The following DCDC1 variants were observed in gnomAD, a reference collection of about 807,000 sequenced individuals.
DCDC1 encodes the protein doublecortin domain-containing protein 1.
In DCDC1, 200 loss-of-function variants were observed where a neutral mutation model predicts 178.3. The ratio of observed to expected loss-of-function variants is 1.12; its 90% CI spans 1.00 to 1.26. The LOEUF is 1.26. DCDC1 is among the 50% of genes most tolerant of loss of function. The pLI, the probability that DCDC1 is intolerant of heterozygous loss-of-function variation, is 0.00. For synonymous variants in DCDC1, 690 were observed against 604.8 expected (o/e 1.14, Z -2.07); for missense variants, 1,983 against 1,749.2 (o/e 1.13, Z -2.38).
chr11:30,925,329 C>A lies in DCDC1; in HGVS notation c.2977G>T (p.Asp993Tyr), dbSNP rs755035470. ...TTTACCAGTTCATCTCTTTGCAGGT[C>A]TTTTAAGGCAAATATTTCCTTCCCC... ...EKGKEIFALK[D>Y]LQRDELVYVS... The change falls in exon 23 of 39, where the codon GAC becomes TAC. Residue 993 changes from aspartate to tyrosine, a missense_variant. Physicochemically the swap from Asp to Tyr is radical, Grantham distance 160. Coordinates refer to ENST00000684477, the MANE Select transcript of DCDC1 (RefSeq NM_001387274.1). The A allele has an allele frequency of 3.7e-6, 6 of 1,613,728 alleles. No individual in the cohort carries two copies. Among genetic ancestry groups the A allele is most frequent in the East Asian group, 4.5e-5 (2 of 44,868 alleles).
intron 20 of DCDC1, among the ~76,000 whole-genome samples, chr11:31,024,585 T>C (rs1225344874): frequency 1.3e-5 from 2 of 151,900 alleles, no homozygotes; most frequent in East Asian, 1.9e-4. Flanking sequence ...TAGGAAAATA[T>C]AGAAAAATAT....
At chr11:31,041,638 A>G (rs1344819941) in intron 20 of DCDC1, among the ~76,000 whole-genome samples, 1 of 152,184 alleles carries the variant, frequency 6.6e-6, no homozygotes, top group African/African-American at 2.4e-5. Context: ...CTATACTGGC[A>G]CTTGATTTTC....
chr11:31,184,452 C>G (rs1428970455), intron 9 of DCDC1, among the ~76,000 whole-genome samples: 2 of 152,114 alleles, frequency 1.3e-5, no homozygotes, highest in African/African-American at 4.8e-5. Flanking sequence ...TCTAATTAAA[C>G]TAAAGAGCTT....
At chr11:30,979,708 AAT>A (rs1040641154) in intron 20 of DCDC1, among the ~76,000 whole-genome samples, 1 of 152,216 alleles carries the variant, frequency 6.6e-6, no homozygotes, top group Non-Finnish European at 1.5e-5. Flanking sequence ...CACATGGAAA[AAT>A]AACCCATGTT....
intron 38 of DCDC1, among the ~76,000 whole-genome samples, chr11:30,873,091 GTCTC>G (rs1365774813): frequency 6.7e-6 from 1 of 148,872 alleles, no homozygotes; most frequent in East Asian, 2.0e-4. Flanking sequence ...CTCTCTCTCT[GTCTC>G]TCTCTGTCTC....
intron 21 of DCDC1, among the ~76,000 whole-genome samples, chr11:30,947,710 A>T (rs910876436): frequency 1.3e-5 from 2 of 152,136 alleles, no homozygotes; most frequent in Non-Finnish European, 2.9e-5. Context: ...CAAAAATGAA[A>T]ACATGGGATC....
chr11:31,271,095 T>A (rs985502586), intron 7 of DCDC1, among the ~76,000 whole-genome samples: 5 of 152,162 alleles, frequency 3.3e-5, no homozygotes, highest in African/African-American at 1.2e-4. Context: ...CTACCTAGCC[T>A]TTCCTTCCCT....
intron 21 of DCDC1, among the ~76,000 whole-genome samples, chr11:30,935,274 G>A (rs1947202843): frequency 6.6e-6 from 1 of 152,112 alleles, no homozygotes; most frequent in Non-Finnish European, 1.5e-5. Flanking sequence ...GCTGGGGCAG[G>A]GTAACACCCT....
Position 30,864,126 on chromosome 11 carries a change from C to T in DCDC1, c.*1247G>A, listed in dbSNP as rs1393909761. ...TGGGCAACAGAGTGAGACTCCATCT[C>T]AAAAAAAAAAAATTGCATATCTGTA... On this transcript the variant is annotated 3_prime_UTR_variant, in exon 39 of 39. Transcript: ENST00000684477. 1 of 141,990 alleles carries T rather than the reference C, an allele frequency of 7.0e-6. No homozygotes were observed. Among genetic ancestry groups the T allele is most frequent in the African/African-American group, 2.6e-5 (1 of 38,888 alleles). 8.8% of individuals were successfully genotyped at this position (141,990 alleles called of 1,614,324 possible).
chr11:31,364,630 T>C (rs1951871565), intron 1 of DCDC1, among the ~76,000 whole-genome samples: 1 of 152,180 alleles, frequency 6.6e-6, no homozygotes, highest in Non-Finnish European at 1.5e-5. Context: ...ATTTACCTCT[T>C]CCTCTTTCTC....
intron 9 of DCDC1, among the ~76,000 whole-genome samples, chr11:31,193,905 A>G (rs371065027): frequency 3.9e-5 from 6 of 152,102 alleles, no homozygotes; most frequent in Non-Finnish European, 8.8e-5. Context: ...ACTCATGTCA[A>G]TTCTTAACAG....
intron 9 of DCDC1, among the ~76,000 whole-genome samples, chr11:31,218,123 A>G (rs1973808065): frequency 6.6e-6 from 1 of 152,082 alleles, no homozygotes; most frequent in Non-Finnish European, 1.5e-5. Flanking sequence ...AAGAAAAAAA[A>G]AAGTCGTAAT....
At chr11:31,348,039 T>C (rs114097171) in intron 1 of DCDC1, among the ~76,000 whole-genome samples, 3,900 of 152,302 alleles carry the variant, frequency 0.026, 70 homozygotes, top group Admixed American at 0.06. Context: ...AAGTTTTACA[T>C]GTTAGTAACT....
chr11:30,981,127 G>A (rs191266280), intron 20 of DCDC1, among the ~76,000 whole-genome samples: 1 of 152,200 alleles, frequency 6.6e-6, no homozygotes, highest in East Asian at 1.9e-4. Flanking sequence ...TTGTAAGTGG[G>A]AGCTAAACAA....
chr11:31,294,806 GAA>G (rs1307721890), intron 6 of DCDC1, among the ~76,000 whole-genome samples: 1 of 25,748 alleles, frequency 3.9e-5, no homozygotes, highest in Non-Finnish European at 8.5e-5. Flanking sequence ...GAAAAAGAAA[GAA>G]AGAAAGAAAG....
At chr11:31,059,117 C>T (rs1428016591) in intron 20 of DCDC1, among the ~76,000 whole-genome samples, 1 of 151,770 alleles carries the variant, frequency 6.6e-6, no homozygotes, top group African/African-American at 2.4e-5. Context: ...CAGCAGCAAA[C>T]AAAAACAAAA....
chr11:30,899,482 G>T, intron 34 of DCDC1, 59 bp downstream of exon 34: 1 of 1,113,968 alleles, frequency 9.0e-7, no homozygotes. Flanking sequence ...ATAACCATTA[G>T]CAATTTGGGG....
intron 36 of DCDC1, among the ~76,000 whole-genome samples, chr11:30,884,105 G>T (rs1942954686): frequency 7.0e-6 from 1 of 142,330 alleles, no homozygotes; most frequent in South Asian, 2.2e-4. Context: ...ATCAGGGTTT[G>T]TAATGAAGCC....
intron 9 of DCDC1, among the ~76,000 whole-genome samples, chr11:31,201,902 G>A (rs1217958773): frequency 6.6e-6 from 1 of 152,142 alleles, no homozygotes; most frequent in Non-Finnish European, 1.5e-5. Flanking sequence ...CAATACACAA[G>A]ATGTGTCAGA....
Sources: allele counts gnomAD v4.1 joint callset (sites outside exome capture counted in the v4.1 genomes callset), GRCh38; gene constraint gnomAD v4.1.1; transcripts MANE v1.5; gene names NCBI Gene and HGNC (gene_info 2026-07-23, HGNC 2026-07-21).